Variants in SCTR observed in about 807,000 individuals in gnomAD.
The protein encoded by SCTR is pancreatic secretin receptor.
Under a neutral mutation model 60.8 loss-of-function variants are expected in SCTR, and 56 were observed. That is an observed-to-expected ratio of 0.92 (90% confidence interval 0.74 to 1.15). The LOEUF is 1.15. Among genes scored for constraint, SCTR ranks in the 50% most tolerant of loss-of-function variants. SCTR has a pLI of 0.00. For missense variants in SCTR, 562 were observed against 550.4 expected (o/e 1.02, Z -0.21); for synonymous variants, 202 against 217.0 (o/e 0.93, Z 0.61).
intron 3 of SCTR, among the ~76,000 whole-genome samples, chr2:119,477,367 G>A (rs1677372861): frequency 6.6e-6 from 1 of 152,196 alleles, no homozygotes; most frequent in Admixed American, 6.5e-5. Flanking sequence ...TGAGGTGTGG[G>A]GTGCTGGGGT....
chr2:119,459,626 C>A (rs1214943131), intron 7 of SCTR, among the ~76,000 whole-genome samples: 2 of 152,140 alleles, frequency 1.3e-5, no homozygotes, highest in African/African-American at 4.8e-5. Context: ...GGAAGAGAAC[C>A]ATTGCTGTTT....
At chr2:119,470,186 C>T (rs2579629) in intron 4 of SCTR, among the ~76,000 whole-genome samples, 105,135 of 152,040 alleles carry the variant, frequency 0.69, 39,545 homozygotes, top group East Asian at 0.87. Flanking sequence ...CATCTATGTG[C>T]GGTCTTACTG....
chr2:119,515,280 GA>G (rs1467174759), intron 1 of SCTR, among the ~76,000 whole-genome samples: 1 of 152,238 alleles, frequency 6.6e-6, no homozygotes, highest in African/African-American at 2.4e-5. Context: ...TTATGAGAAG[GA>G]AGGAGGATGG....
intron 1 of SCTR, among the ~76,000 whole-genome samples, chr2:119,508,618 G>A (rs879283741): frequency 1.3e-5 from 2 of 151,544 alleles, no homozygotes; most frequent in Non-Finnish European, 2.9e-5. Flanking sequence ...GAACTTATGA[G>A]GCTCAAGTGA....
At chr2:119,511,113 G>A (rs1393376316) in intron 1 of SCTR, among the ~76,000 whole-genome samples, 1 of 152,034 alleles carries the variant, frequency 6.6e-6, no homozygotes, top group Non-Finnish European at 1.5e-5. Flanking sequence ...TGAGGCAGGA[G>A]AATGGTGTGA....
chr2:119,515,481 G>A (rs1209270516), intron 1 of SCTR, among the ~76,000 whole-genome samples: 1 of 152,232 alleles, frequency 6.6e-6, no homozygotes, highest in Admixed American at 6.5e-5. Flanking sequence ...ACTGAGTGAG[G>A]AAGATCTGCT....
intron 6 of SCTR, among the ~76,000 whole-genome samples, chr2:119,462,516 T>G (rs1683653835): frequency 6.6e-6 from 1 of 152,234 alleles, no homozygotes; most frequent in African/African-American, 2.4e-5. Context: ...CATTGCACTC[T>G]CCACATATCT....
At position 119,473,365 on chromosome 2, in the gene SCTR, GTCCTCTCCCAGGGCC is replaced by G. The variant is rs544475637; in HGVS notation, c.405+73_405+87del. ...CACTGTCCCAGGCCTGTGCCACCCT[GTCCTCTCCCAGGGCC>G]TCCTCTCCCAGGGCCTCCTCACCCT... is the stretch of plus-strand genomic sequence containing the variant. On this transcript the variant is annotated intron_variant, in intron 4 of 12. Coordinates refer to ENST00000019103, the MANE Select transcript of SCTR (RefSeq NM_002980.3). The G allele has an allele frequency of 1.6e-4, 136 of 876,300 alleles. No homozygotes were observed. The African/African-American group carries it at 1.8e-3, about 12-fold the overall frequency. The allele number at this position is 876,300 out of a possible 1,614,324, so 54.3% of individuals were successfully genotyped here.
intron 1 of SCTR, among the ~76,000 whole-genome samples, chr2:119,498,426 GGAA>G (rs765910618): frequency 6.6e-6 from 1 of 152,102 alleles, no homozygotes; most frequent in South Asian, 2.1e-4. Flanking sequence ...ACATTAGCAA[GGAA>G]GAAGAACACA....
At position 119,524,318 on chromosome 2, in the gene SCTR, G is replaced by T. The variant is rs1679384750; in HGVS notation, c.-92C>A. The T allele has an allele frequency of 6.0e-6, 5 of 832,024 alleles. No homozygotes were observed. The highest frequency in any genetic ancestry group is 8.6e-5 in the Admixed American group (2 of 23,124). The allele number at this position is 832,024 out of a possible 1,614,324, so 51.5% of individuals were successfully genotyped here. A position where few individuals can be genotyped will look rare whatever the true frequency, so the allele number is the denominator to read the frequency against. ...CTCAGCGCCCCGCGCAGGGTCCCGG[G>T]CTCCGGCCGGCCGCTGCGCCCCGAG... On this transcript the variant is annotated 5_prime_UTR_variant, in exon 1 of 13. Coordinates refer to ENST00000019103, the MANE Select transcript of SCTR (RefSeq NM_002980.3).
intron 2 of SCTR, among the ~76,000 whole-genome samples, chr2:119,481,390 T>C (rs967230521): frequency 2.6e-5 from 4 of 152,182 alleles, no homozygotes; most frequent in Admixed American, 6.5e-5. Context: ...ATGAGCTGGG[T>C]GCCTGTCAGA....
chr2:119,504,339 TC>T (rs1678659192), intron 1 of SCTR, among the ~76,000 whole-genome samples: 2 of 152,162 alleles, frequency 1.3e-5, no homozygotes, highest in South Asian at 4.1e-4. Flanking sequence ...ATGCCTGTAA[TC>T]TCAGCACTTT....
At chr2:119,509,237 G>A (rs1039527771) in intron 1 of SCTR, among the ~76,000 whole-genome samples, 46 of 152,206 alleles carry the variant, frequency 3.0e-4, no homozygotes, top group African/African-American at 9.4e-4. Context: ...ATGGAGCCAA[G>A]CCGGGAGAGC....
chr2:119,457,671 C>T (rs896041100), intron 7 of SCTR, among the ~76,000 whole-genome samples: 2 of 149,066 alleles, frequency 1.3e-5, no homozygotes, highest in African/African-American at 4.9e-5. Flanking sequence ...TGTGATTGAA[C>T]CACTGCACTC....
chr2:119,482,729 G>A (rs1212985977), intron 2 of SCTR, among the ~76,000 whole-genome samples: 1 of 152,168 alleles, frequency 6.6e-6, no homozygotes, highest in Non-Finnish European at 1.5e-5. Flanking sequence ...CAGGCCTGCC[G>A]GGTAACCCTG....
chr2:119,523,018 G>T (rs1301439492), intron 1 of SCTR, among the ~76,000 whole-genome samples: 1 of 152,186 alleles, frequency 6.6e-6, no homozygotes, highest in East Asian at 1.9e-4. Flanking sequence ...AGCATCTCCT[G>T]AGTGTCAACA....
intron 2 of SCTR, among the ~76,000 whole-genome samples, chr2:119,484,071 C>T (rs1235490820): frequency 6.6e-6 from 1 of 152,150 alleles, no homozygotes. Context: ...CTAGGGTCAT[C>T]CTGGGCAGTT....
intron 2 of SCTR, among the ~76,000 whole-genome samples, chr2:119,488,503 C>T (rs902065147): frequency 6.6e-6 from 1 of 152,238 alleles, no homozygotes; most frequent in Non-Finnish European, 1.5e-5. Flanking sequence ...TGGTTCACTG[C>T]ATGGGGAGCC....
At chr2:119,518,635 T>C (rs1487685107) in intron 1 of SCTR, among the ~76,000 whole-genome samples, 2 of 152,186 alleles carry the variant, frequency 1.3e-5, no homozygotes, top group East Asian at 1.9e-4. Flanking sequence ...TGTAAGCAAG[T>C]AGATAGCATC....
Sources: gnomAD v4.1 joint callset for allele counts (sites outside exome capture counted in the v4.1 genomes callset) on GRCh38, gnomAD v4.1.1 for gene constraint, MANE v1.5 for transcripts, NCBI Gene and HGNC (gene_info 2026-07-23, HGNC 2026-07-21) for gene names.